RIMS2: variants seen among roughly 807,000 people sequenced by gnomAD.
RIMS2 encodes the protein regulating synaptic membrane exocytosis 2.
In RIMS2, 59 loss-of-function variants were observed where a neutral mutation model predicts 174.4. The ratio of observed to expected loss-of-function variants is 0.34; its 90% CI spans 0.27 to 0.42. The LOEUF is 0.42. RIMS2 is among the 10% of genes least tolerant of loss of function. The probability of loss-of-function intolerance (pLI) is 1.00; values close to 1 mark genes in which losing one functional copy is unlikely to be tolerated. For synonymous variants in RIMS2, 606 were observed against 572.5 expected (o/e 1.06, Z -0.84); for missense variants, 1,620 against 1,666.3 (o/e 0.97, Z 0.48).
At chr8:104,218,459 CAGGAGCA>C (rs2099141067) in intron 19 of RIMS2, among the ~76,000 whole-genome samples, 1 of 152,136 alleles carries the variant, frequency 6.6e-6, no homozygotes, top group African/African-American at 2.4e-5. Context: ...TTCCACAGAC[CAGGAGCA>C]AGGGATGGTT....
chr8:103,650,144 T>A (rs1399772685), intron 1 of RIMS2, among the ~76,000 whole-genome samples: 1 of 152,234 alleles, frequency 6.6e-6, no homozygotes, highest in Non-Finnish European at 1.5e-5. Flanking sequence ...GTTTTCTGTT[T>A]GTTTTTCTTT....
chr8:103,739,426 G>A (rs187987341), intron 2 of RIMS2, among the ~76,000 whole-genome samples: 38 of 152,278 alleles, frequency 2.5e-4, no homozygotes, highest in African/African-American at 8.2e-4. Flanking sequence ...TATACCTAAT[G>A]TAAATGACGA....
chr8:104,014,527 T>C (rs776994252), exon 19 of RIMS2: 5 of 1,610,132 alleles, frequency 3.1e-6, no homozygotes, highest in South Asian at 2.2e-5. Context: ...GTACTGGGTC[T>C]GTCCAGACAA....
chr8:104,024,762 A>C (rs1342092506), intron 19 of RIMS2, among the ~76,000 whole-genome samples: 1 of 152,316 alleles, frequency 6.6e-6, no homozygotes, highest in Admixed American at 6.5e-5. Context: ...TAACTTATAT[A>C]AAGTGTCTTA....
At chr8:103,601,113 C>T (rs1343367582) in intron 1 of RIMS2, among the ~76,000 whole-genome samples, 14 of 152,142 alleles carry the variant, frequency 9.2e-5, no homozygotes, top group Non-Finnish European at 2.9e-5. Flanking sequence ...GTATTAACCA[C>T]TTGTCAGATG....
chr8:103,853,023 CA>C (rs368116841), intron 3 of RIMS2, among the ~76,000 whole-genome samples: 51 of 152,216 alleles, frequency 3.4e-4, no homozygotes, highest in African/African-American at 1.2e-3. Context: ...TTCTTACCAA[CA>C]GTGTATAAGT....
At chr8:104,195,438 G>A (rs1295852639) in intron 19 of RIMS2, among the ~76,000 whole-genome samples, 1 of 151,646 alleles carries the variant, frequency 6.6e-6, no homozygotes, top group Non-Finnish European at 1.5e-5. Flanking sequence ...GAACTTTCAA[G>A]TAAAGATGTG....
intron 1 of RIMS2, among the ~76,000 whole-genome samples, chr8:103,595,999 C>T (rs117441247): frequency 0.011 from 1,667 of 151,980 alleles, 14 homozygotes; most frequent in Non-Finnish European, 0.016. Context: ...ATGGCTAATT[C>T]ATGGATTGTA....
intron 16 of RIMS2, among the ~76,000 whole-genome samples, chr8:103,984,078 G>T (rs11783859): frequency 0.13 from 19,288 of 152,070 alleles, 1,694 homozygotes; most frequent in Non-Finnish European, 0.19. Context: ...GAAGGCTGAG[G>T]CAGGAGAATG....
At chr8:103,571,159 A>G (rs1389679567) in intron 1 of RIMS2, among the ~76,000 whole-genome samples, 3 of 152,202 alleles carry the variant, frequency 2.0e-5, no homozygotes, top group Non-Finnish European at 4.4e-5. Context: ...TGATGTGTCT[A>G]TGCTCTAGTA....
intron 19 of RIMS2, chr8:104,223,281 T>C (rs1449192046): frequency 2.6e-6 from 2 of 778,118 alleles, no homozygotes; most frequent in African/African-American, 3.7e-5. Context: ...CGGCCGCTGA[T>C]TGGCGGGGAC....
intron 17 of RIMS2, among the ~76,000 whole-genome samples, chr8:104,011,559 C>T (rs1195599184): frequency 6.6e-6 from 1 of 151,972 alleles, no homozygotes; most frequent in Non-Finnish European, 1.5e-5. Flanking sequence ...CTGGTTTTCA[C>T]TCATTATCAT....
intron 19 of RIMS2, among the ~76,000 whole-genome samples, 159 bp downstream of exon 22, chr8:104,041,517 A>C (rs780105655): frequency 1.3e-5 from 2 of 151,672 alleles, no homozygotes; most frequent in Non-Finnish European, 3.0e-5. Flanking sequence ...TGTGTATTCA[A>C]CTATCAACAG....
At chr8:104,099,080 G>A (rs116244497) in intron 19 of RIMS2, among the ~76,000 whole-genome samples, 1,730 of 152,236 alleles carry the variant, frequency 0.011, 38 homozygotes, top group African/African-American at 0.039. Flanking sequence ...ACAGGAAAGT[G>A]AGCATTGCCT....
intron 13 of RIMS2, among the ~76,000 whole-genome samples, chr8:103,939,021 C>T (rs117771672): frequency 0.018 from 2,787 of 152,290 alleles, 45 homozygotes; most frequent in Non-Finnish European, 0.028. Context: ...CGCTGAGTGT[C>T]TGTTGGTTTC....
At chr8:103,573,615 C>T (rs542613020) in intron 1 of RIMS2, among the ~76,000 whole-genome samples, 1 of 152,216 alleles carries the variant, frequency 6.6e-6, no homozygotes, top group South Asian at 2.1e-4. Context: ...GTTATTATAG[C>T]CCTGTAGTAC....
intron 3 of RIMS2, chr8:103,880,637 T>C: frequency 1.9e-6 from 1 of 520,200 alleles, no homozygotes; most frequent in Non-Finnish European, 3.5e-6. Flanking sequence ...TGTTGATGTA[T>C]TTTTGTCAAC....
chr8:104,071,714 G>A (rs944009017), intron 19 of RIMS2, among the ~76,000 whole-genome samples: 1 of 152,084 alleles, frequency 6.6e-6, no homozygotes, highest in South Asian at 2.1e-4. Context: ...GGGATTACAG[G>A]CATGAGCCAC....
In RIMS2 at chr8:104,131,922, AAATAATGGG is replaced by A. The variant is rs1281324595; in HGVS notation, c.3335-112991_3335-112983del. On this transcript the variant is annotated intron_variant, in intron 19 of 23. Coordinates refer to ENST00000504942, the Ensembl canonical transcript of RIMS2. ...GCACTATAGAATTTTGAAAAGAAGT[AAATAATGGG>A]AACTAATTGCCATTTTATGTTATTA... Among the ~76,000 whole-genome samples the A allele has an allele frequency of 2.8e-4, 42 of 152,292 alleles. 1 individual carries two copies. Among genetic ancestry groups the A allele is most frequent in the African/African-American group, 9.4e-4 (39 of 41,584 alleles).
Sources: allele counts gnomAD v4.1 joint callset (sites outside exome capture counted in the v4.1 genomes callset), GRCh38; gene constraint gnomAD v4.1.1; transcripts MANE v1.5; gene names NCBI Gene and HGNC (gene_info 2026-07-23, HGNC 2026-07-21).